Variants in LRRC53 observed in about 807,000 individuals in gnomAD.
LRRC53 encodes leucine-rich repeat-containing protein 53.
In LRRC53, 25 loss-of-function variants were observed where a neutral mutation model predicts 13.6. The ratio of observed to expected loss-of-function variants is 1.83; its 90% CI spans 1.34 to 2.56. The LOEUF (loss-of-function observed/expected upper bound fraction) is 2.56, where lower values mean the gene tolerates loss of function less well. Among genes scored for constraint, LRRC53 ranks in the 30% most tolerant of loss-of-function variants. The pLI is 0.00. For synonymous variants in LRRC53, 204 were observed against 109.8 expected (o/e 1.86, Z -5.37); for missense variants, 527 against 275.8 (o/e 1.91, Z -6.45).
At chr1:74,521,137 T>A in the LRRC53 span, among the ~76,000 whole-genome samples, 1 of 152,128 alleles carries the variant, frequency 6.6e-6, no homozygotes, top group Non-Finnish European at 1.5e-5. Flanking sequence ...CCACAGAAGT[T>A]TGTAGAGCTG....
chr1:74,528,927 C>T, the LRRC53 span, among the ~76,000 whole-genome samples: 33 of 152,160 alleles, frequency 2.2e-4, no homozygotes, highest in Non-Finnish European at 4.0e-4. Flanking sequence ...AAGCCTGAAA[C>T]ATCTTGCACC....
intron 1 of LRRC53, among the ~76,000 whole-genome samples, chr1:74,510,031 C>T (rs2100375610): frequency 6.6e-6 from 1 of 152,176 alleles, no homozygotes; most frequent in South Asian, 2.1e-4. Flanking sequence ...ATGCGCCCAG[C>T]TTGAATTTCA....
rs141379826 is a variant in LRRC53 at position 74,469,459 on chromosome 1, T to C, written c.*419A>G. 6.5e-6 allele frequency: 1 copy of C among 153,720 alleles called. No homozygotes were observed. The highest frequency in any genetic ancestry group is 1.4e-5 in the Non-Finnish European group (1 of 69,042). The allele number at this position is 153,720 out of a possible 1,614,324, so 9.5% of individuals were successfully genotyped here. On this transcript the variant is annotated 3_prime_UTR_variant, in exon 5 of 5. Transcript: ENST00000294635. ...ACAAATATGAATATATAATTATCCA[T>C]GTAGAAAGCAATATTGTAATACCAC...
intron 2 of LRRC53, 127 bp from the exon 3 acceptor site, chr1:74,481,095 CA>C: frequency 5.2e-6 from 3 of 572,846 alleles, no homozygotes; most frequent in Non-Finnish European, 9.3e-6. Flanking sequence ...ATAAACAATA[CA>C]AAAAATGAAA....
upstream of LRRC53, among the ~76,000 whole-genome samples, chr1:74,514,934 T>C (rs1646327958): frequency 2.0e-5 from 3 of 152,114 alleles, no homozygotes; most frequent in African/African-American, 2.4e-5. Context: ...AGATGACTTG[T>C]GTCTTTATAA....
At chr1:74,501,021 G>GA (rs1467215149) in intron 1 of LRRC53, among the ~76,000 whole-genome samples, 1 of 151,972 alleles carries the variant, frequency 6.6e-6, no homozygotes, top group Admixed American at 6.5e-5. Context: ...CATAAACTCT[G>GA]GATAATCCTC....
rs1557586799 is a variant in LRRC53, at chr1:74,470,617, T to A, written c.3005A>T (p.Glu1002Val). Reference protein sequence around the residue: ...NDVEKKLSKTETYDSSLIPQT... With the variant: ...NDVEKKLSKTVTYDSSLIPQT... ...GGGAATGAGAGAGGAATCATAAGTT[T>A]CTGTTTTTGAAAGTTTTTTTTCTAC... is the stretch of plus-strand genomic sequence containing the variant. Residue 1002 changes from glutamate to valine, a missense_variant, in exon 5 of 5, where the codon GAA becomes GTA. Glu to Val is a moderately radical substitution (Grantham distance 121). Transcript: ENST00000294635. The A allele has an allele frequency of 1.7e-5, 7 of 400,602 alleles. No individual in the cohort carries two copies. Among genetic ancestry groups the A allele is most frequent in the East Asian group, 7.1e-5 (2 of 28,072 alleles). The allele number at this position is 400,602 out of a possible 1,614,324, so 24.8% of individuals were successfully genotyped here.
intron 1 of LRRC53, among the ~76,000 whole-genome samples, chr1:74,511,797 G>C (rs1243426116): frequency 6.6e-6 from 1 of 151,976 alleles, no homozygotes; most frequent in Non-Finnish European, 1.5e-5. Flanking sequence ...GTTTGGCAGA[G>C]TTAACCAAGC....
intron 3 of LRRC53, among the ~76,000 whole-genome samples, chr1:74,479,046 A>G (rs979374955): frequency 7.9e-5 from 12 of 152,304 alleles, no homozygotes; most frequent in Non-Finnish European, 1.3e-4. Context: ...AGGAAGTAAA[A>G]ATACAATCAA....
At chr1:74,491,958 GA>G in intron 1 of LRRC53, 1 of 1,293,528 alleles carries the variant, frequency 7.7e-7, no homozygotes, top group Non-Finnish European at 1.0e-6. Context: ...TTCCTGAAAG[GA>G]AAAGCCAGGA....
intron 1 of LRRC53, among the ~76,000 whole-genome samples, chr1:74,511,418 G>A (rs1302106566): frequency 1.3e-5 from 2 of 151,990 alleles, no homozygotes; most frequent in Non-Finnish European, 1.5e-5. Context: ...TCCTGGTCTC[G>A]AACTCCTGAC....
chr1:74,482,506 C>A (rs1668557044), intron 2 of LRRC53, among the ~76,000 whole-genome samples: 1 of 152,104 alleles, frequency 6.6e-6, no homozygotes, highest in South Asian at 2.1e-4. Flanking sequence ...TCCATGAAAA[C>A]CTCTCTGTCC....
At chr1:74,487,485 G>A (rs1444923534) in intron 1 of LRRC53, among the ~76,000 whole-genome samples, 2 of 152,304 alleles carry the variant, frequency 1.3e-5, no homozygotes, top group South Asian at 4.1e-4. Context: ...TCAAGATTTT[G>A]AAGTGAGACC....
chr1:74,517,204 G>A (rs562156050), upstream of LRRC53, among the ~76,000 whole-genome samples: 4 of 152,100 alleles, frequency 2.6e-5, no homozygotes, highest in South Asian at 6.2e-4. Context: ...AAAAAAAAAG[G>A]TTAATAACAT....
intron 1 of LRRC53, among the ~76,000 whole-genome samples, chr1:74,500,062 ATAAC>A (rs1394745547): frequency 6.6e-6 from 1 of 151,752 alleles, no homozygotes; most frequent in Non-Finnish European, 1.5e-5. Context: ...ATTATTTAAA[ATAAC>A]TAATTATATT....
chr1:74,519,107 C>T, the LRRC53 span, among the ~76,000 whole-genome samples: 1 of 93,410 alleles, frequency 1.1e-5, no homozygotes, highest in East Asian at 2.8e-4. Flanking sequence ...TGTTCAATTC[C>T]CACCTATGAG....
At chr1:74,489,869 A>AAT (rs1668966743) in intron 1 of LRRC53, among the ~76,000 whole-genome samples, 2 of 152,252 alleles carry the variant, frequency 1.3e-5, no homozygotes, top group South Asian at 4.1e-4. Context: ...CTTGAAAAAT[A>AAT]ATATATTCTC....
the LRRC53 span, among the ~76,000 whole-genome samples, chr1:74,521,576 C>T: frequency 3.3e-5 from 5 of 151,838 alleles, no homozygotes; most frequent in African/African-American, 1.2e-4. Context: ...GCTACTATTT[C>T]CATAAAGCCT....
chr1:74,512,417 A>G (rs1486732713), intron 1 of LRRC53, 109 bp downstream of exon 1: 1 of 152,186 alleles, frequency 6.6e-6, no homozygotes, highest in Non-Finnish European at 1.5e-5. Flanking sequence ...CATCACCCAC[A>G]TGATCATCTG....
Sources: allele counts gnomAD v4.1 joint callset (sites outside exome capture counted in the v4.1 genomes callset), GRCh38; gene constraint gnomAD v4.1.1; transcripts MANE v1.5; gene names NCBI Gene and HGNC (gene_info 2026-07-23, HGNC 2026-07-21).